The following IFNLR1 variants were observed in gnomAD, a reference collection of about 807,000 sequenced individuals.
IFNLR1 encodes CRF2-12.
Under a neutral mutation model 52.5 loss-of-function variants are expected in IFNLR1, and 28 were observed. That is an observed-to-expected ratio of 0.53 (90% CI 0.40 to 0.73). The LOEUF is 0.73. Among genes scored for constraint, IFNLR1 ranks in the 30% least tolerant of loss-of-function variants. The probability of loss-of-function intolerance (pLI) is 0.00; values close to 1 mark genes in which losing one functional copy is unlikely to be tolerated. For missense variants in IFNLR1, 623 were observed against 659.1 expected (o/e 0.95, Z 0.60); for synonymous variants, 276 against 274.9 (o/e 1.00, Z -0.04).
intron 2 of IFNLR1, among the ~76,000 whole-genome samples, chr1:24,175,787 A>G (rs1644625863): frequency 6.6e-6 from 1 of 152,160 alleles, no homozygotes; most frequent in Non-Finnish European, 1.5e-5. Context: ...ATAAAAAATT[A>G]GCCAGGCGTG....
intron 3 of IFNLR1, among the ~76,000 whole-genome samples, chr1:24,168,179 T>C (rs1190448392): frequency 1.3e-5 from 2 of 151,772 alleles, no homozygotes; most frequent in African/African-American, 4.8e-5. Context: ...ATCCCCTCCA[T>C]CCTCCCTTTC....
chr1:24,182,355 T>G (rs1007756811), intron 1 of IFNLR1, among the ~76,000 whole-genome samples: 1 of 152,224 alleles, frequency 6.6e-6, no homozygotes, highest in East Asian at 1.9e-4. Context: ...CCAAGGTGGA[T>G]GATCACTAAA....
intron 2 of IFNLR1, among the ~76,000 whole-genome samples, chr1:24,174,084 T>C (rs145202403): frequency 2.0e-3 from 307 of 150,146 alleles, no homozygotes; most frequent in African/African-American, 7.5e-3. Context: ...GCTGGGGCCC[T>C]AATCCAGTAG....
At chr1:24,168,812 T>C (rs902855754) in intron 3 of IFNLR1, among the ~76,000 whole-genome samples, 3 of 152,152 alleles carry the variant, frequency 2.0e-5, no homozygotes, top group Admixed American at 6.5e-5. Context: ...GGCGTGATCT[T>C]GGCTCACTGC....
chr1:24,169,753 G>A, intron 2 of IFNLR1, 152 bp from the exon 3 acceptor site: 7 of 751,734 alleles, frequency 9.3e-6, no homozygotes, highest in Non-Finnish European at 1.5e-5. Flanking sequence ...GACAGGATAA[G>A]AACAGCCTGG....
chr1:24,170,348 G>C (rs927074454), intron 2 of IFNLR1, among the ~76,000 whole-genome samples: 5 of 152,140 alleles, frequency 3.3e-5, no homozygotes, highest in African/African-American at 1.2e-4. Flanking sequence ...GACCCAGGGA[G>C]CCTAACATTT....
At chr1:24,179,577 A>G (rs936656152) in intron 2 of IFNLR1, among the ~76,000 whole-genome samples, 18 of 152,228 alleles carry the variant, frequency 1.2e-4, no homozygotes, top group African/African-American at 4.1e-4. Context: ...GTGATGCAAC[A>G]GGAAGGGCAC....
At chr1:24,169,893 C>G (rs1644561615) in intron 2 of IFNLR1, among the ~76,000 whole-genome samples, 1 of 152,240 alleles carries the variant, frequency 6.6e-6, no homozygotes, top group Non-Finnish European at 1.5e-5. Context: ...GCCTCCCTCA[C>G]AGGACTGTTG....
intron 1 of IFNLR1, among the ~76,000 whole-genome samples, chr1:24,183,527 C>T (rs1454338206): frequency 6.6e-6 from 1 of 152,160 alleles, no homozygotes; most frequent in Non-Finnish European, 1.5e-5. Flanking sequence ...TTCAAGGCTG[C>T]CGTGATTGTG....
chr1:24,157,361 G>T lies in IFNLR1; in HGVS notation c.1332C>A (p.Asn444Lys), dbSNP rs1249440083. 1.9e-6 allele frequency: 3 copies of T among 1,614,080 alleles called. No individual in the cohort carries two copies. The highest frequency in any genetic ancestry group is 2.5e-6 in the Non-Finnish European group (3 of 1,180,044). ...TGCCCCAGGTGGCCCAGGAGGAGAG[G>T]TTATCTTCTGGGAGCTCTTCCAGGA... Reference protein sequence around the residue: ...SGFLEELPEDNLSSWATWGTL... With the variant: ...SGFLEELPEDKLSSWATWGTL... The change falls in exon 7 of 7, where the codon AAC becomes AAA. Residue 444 changes from asparagine to lysine, a missense_variant. Physicochemically the swap from Asn to Lys is moderately conservative, Grantham distance 94. Transcript: ENST00000327535. This position sits in a 1 kb window ranked among gnomAD's most constrained non-coding sequence, Gnocchi z 5.1.
chr1:24,159,724 G>GTTTTT, intron 4 of IFNLR1, 91 bp from the exon 5 acceptor site: 86 of 774,038 alleles, frequency 1.1e-4, no homozygotes, highest in East Asian at 4.9e-4. Context: ...ACATGGTAGG[G>GTTTTT]TGTTTTTTTT....
intron 3 of IFNLR1, among the ~76,000 whole-genome samples, chr1:24,164,735 A>G (rs1366099767): frequency 6.7e-6 from 1 of 148,352 alleles, no homozygotes; most frequent in East Asian, 2.0e-4. Context: ...CTGTTTCTCT[A>G]TGTCACACTT....
At position 24,169,604 on chromosome 1, in the gene IFNLR1, G is replaced by A. The variant is rs764963843; in HGVS notation, c.183-3C>T. The A allele has an allele frequency of 2.5e-6, 4 of 1,611,464 alleles. No individual in the cohort carries two copies. Among genetic ancestry groups the A allele is most frequent in the African/African-American group, 1.3e-5 (1 of 74,856 alleles). ...GCCACCGTCTACGGGTGGGAGAGCT[G>A]GGGGAGGAGAGAGGAGAGCTTGGGC... is the stretch of plus-strand genomic sequence containing the variant. On this transcript the variant is annotated splice_polypyrimidine_tract_variant and splice_region_variant and intron_variant, in intron 2 of 6. Coordinates refer to ENST00000327535, the MANE Select transcript of IFNLR1 (RefSeq NM_170743.4).
At chr1:24,172,912 C>G (rs950218603) in intron 2 of IFNLR1, among the ~76,000 whole-genome samples, 5 of 152,132 alleles carry the variant, frequency 3.3e-5, no homozygotes, top group African/African-American at 1.2e-4. Flanking sequence ...TGCATGCGCT[C>G]TTGGTGTCTT....
rs563033678 is a variant in IFNLR1 at position 24,173,045 on chromosome 1, T to C, written c.183-3444A>G. Among the ~76,000 whole-genome samples, 38 of 151,012 alleles carry C rather than the reference T, an allele frequency of 2.5e-4. No individual in the cohort carries two copies. The South Asian group carries it at 7.3e-3, about 29-fold the overall frequency. On this transcript the variant is annotated intron_variant, in intron 2 of 6. Transcript: ENST00000327535. ...TCACTTAGAGGTTAGGGCTTCAACA[T>C]ATGAATTTGTGGGGTAGAGTATAAT...
At chr1:24,166,380 T>C (rs563066211) in intron 3 of IFNLR1, among the ~76,000 whole-genome samples, 1 of 152,176 alleles carries the variant, frequency 6.6e-6, no homozygotes, top group African/African-American at 2.4e-5. Flanking sequence ...TTCTTTTCTC[T>C]TTCACCTTTC....
Position 24,156,807 on chromosome 1 carries a change from T to C in IFNLR1, c.*323A>G. On this transcript the variant is annotated 3_prime_UTR_variant, in exon 7 of 7. Coordinates refer to ENST00000327535, the MANE Select transcript of IFNLR1 (RefSeq NM_170743.4). ...GTCCGCAGTGACCTGACCTCACCTG[T>C]TTCATGTTGTCCGGGGATAATTTTT... 1 of 349,550 alleles carries C rather than the reference T, an allele frequency of 2.9e-6. No homozygotes were observed. Among genetic ancestry groups the C allele is most frequent in the South Asian group, 4.4e-5 (1 of 22,986 alleles). 21.7% of individuals were successfully genotyped at this position (349,550 alleles called of 1,614,324 possible). A position where few individuals can be genotyped will look rare whatever the true frequency, so the allele number is the denominator to read the frequency against.
chr1:24,160,692 A>G (rs1431228638), intron 4 of IFNLR1, among the ~76,000 whole-genome samples: 3 of 152,128 alleles, frequency 2.0e-5, no homozygotes, highest in Non-Finnish European at 4.4e-5. Flanking sequence ...AGGCCCAGGG[A>G]CCAAGTCTGG....
rs776388185 is a variant in IFNLR1 at position 24,157,729 on chromosome 1, G to A, written c.964C>T (p.Leu322Phe). The change falls in exon 7 of 7, where the codon CTT becomes TTT. Residue 322 changes from leucine (L) to phenylalanine (F), a missense_variant. By Grantham distance (22) the Leu-to-Phe change is conservative. Transcript: ENST00000327535. This position sits in a 1 kb window ranked among gnomAD's most constrained non-coding sequence, Gnocchi z 5.1. ...TCCTCCTCCTCTTCGTCCTCTGCAA[G>A]GTCCTTCTTCCATCTTGTCTGTTGG... ...ATQQTRWKKDLAEDEEEEDEE... is the reference protein window; with the variant it reads ...ATQQTRWKKDFAEDEEEEDEE... 1 of 1,614,224 alleles carries A rather than the reference G, an allele frequency of 6.2e-7. No individual in the cohort carries two copies. Among genetic ancestry groups the A allele is most frequent in the South Asian group, 1.1e-5 (1 of 91,086 alleles).
Sources: allele counts gnomAD v4.1 joint callset (sites outside exome capture counted in the v4.1 genomes callset), GRCh38; gene constraint gnomAD v4.1.1; non-coding constraint Gnocchi (gnomAD v3.1); transcripts MANE v1.5; gene names NCBI Gene and HGNC (gene_info 2026-07-23, HGNC 2026-07-21).